The following EPS8L2 variants were observed in gnomAD, a reference collection of about 807,000 sequenced individuals.
EPS8L2 encodes the protein epidermal growth factor receptor kinase substrate 8-like protein 2.
Under a neutral mutation model 99.4 loss-of-function variants are expected in EPS8L2, and 81 were observed. The ratio of observed to expected loss-of-function variants is 0.82; its 90% confidence interval spans 0.68 to 0.98. EPS8L2 has a LOEUF of 0.98. EPS8L2 is among the 50% of genes least tolerant of loss of function. The pLI is 0.00. For synonymous variants in EPS8L2, 509 were observed against 407.3 expected, an observed-to-expected ratio of 1.25 and a Z score of -3.01; for missense variants, 1,155 against 968.8, an observed-to-expected ratio of 1.19 and a Z score of -2.55.
At chr11:726,231 T>TG (rs368184258) in intron 18 of EPS8L2, 61 bp downstream of exon 18, 20,747 of 1,534,628 alleles carry the variant, frequency 0.014, 137 homozygotes, top group Non-Finnish European at 0.013. Flanking sequence ...GGAGGAAGTG[T>TG]GGGGGGGGTC....
intron 4 of EPS8L2, 103 bp downstream of exon 4, chr11:710,589 C>A: frequency 2.6e-6 from 3 of 1,150,578 alleles, no homozygotes; most frequent in South Asian, 1.2e-5. Context: ...ATTAGACGGG[C>A]ATGGTGGTGC....
intron 1 of EPS8L2, among the ~76,000 whole-genome samples, chr11:708,224 T>G (rs934414688): frequency 2.6e-5 from 4 of 152,186 alleles, no homozygotes; most frequent in African/African-American, 9.7e-5. Flanking sequence ...TGTGGGGAGC[T>G]GATCACAGAG....
rs749329348 is a variant in EPS8L2, at chr11:726,515, C to T, written c.1934+31C>T. On this transcript the variant is annotated intron_variant, in intron 19 of 20. Coordinates refer to ENST00000318562, the MANE Select transcript of EPS8L2 (RefSeq NM_022772.4). ...CGGGGGCGGGGGATGAGCTGGGGCC[C>T]GGGCGAGGGGTGGGAGGTGCGGCCG... 129 of 1,442,290 alleles carry T rather than the reference C, an allele frequency of 8.9e-5. 1 individual carries two copies. Among genetic ancestry groups the T allele is most frequent in the Admixed American group, 2.2e-5 (1 of 45,842 alleles). 89.3% of individuals were successfully genotyped at this position (1,442,290 alleles called of 1,614,324 possible).
chr11:724,108 G>C lies in EPS8L2; in HGVS notation c.1455-616G>C, dbSNP rs977689512. Reference sequence around the variant, plus strand: ...CAGTCCATGGCCACTTCATTTCCCTGAGCACCTGGACACGGGAGCTGCCCT... The same window carrying C: ...CAGTCCATGGCCACTTCATTTCCCTCAGCACCTGGACACGGGAGCTGCCCT... On this transcript the variant is annotated intron_variant, in intron 15 of 20. Coordinates refer to ENST00000318562, the MANE Select transcript of EPS8L2 (RefSeq NM_022772.4). This position sits in a 1 kb window ranked among gnomAD's most constrained non-coding sequence, Gnocchi z 5.5. Among the ~76,000 whole-genome samples, 1 of 152,088 alleles carries C rather than the reference G, an allele frequency of 6.6e-6. No individual in the cohort carries two copies. The highest frequency in any genetic ancestry group is 1.5e-5 in the Non-Finnish European group (1 of 68,028).
chr11:725,651 C>T (rs564180651), intron 16 of EPS8L2, 77 bp from the exon 17 acceptor site: 3 of 1,269,376 alleles, frequency 2.4e-6, no homozygotes, highest in Middle Eastern at 3.0e-4. Flanking sequence ...CTCCCGACCT[C>T]TGTAAAGCGG....
Position 709,571 on chromosome 11 carries a change from C to T in EPS8L2, c.63C>T (p.Ser21=), listed in dbSNP as rs574588438. ...CCTGCAGTGGCAGCCTGGGCCGGTC[C>T]GACGGTGTGGCCAAGATGAGCCCCA... The part of the protein sequence containing the change: ...PGATNGSLGR[S]DGVAKMSPKD... The change falls in exon 3 of 21, where the codon TCC becomes TCT. Residue 21 remains serine, a synonymous_variant. Transcript: ENST00000318562. 46 of 1,613,036 alleles carry T rather than the reference C, an allele frequency of 2.9e-5. No homozygotes were observed. The highest frequency in any genetic ancestry group is 1.2e-4 in the Admixed American group (7 of 59,990).
chr11:722,416 A>G lies in EPS8L2; in HGVS notation c.1075A>G (p.Ser359Gly). The G allele has an allele frequency of 6.2e-7, 1 of 1,613,092 alleles. No homozygotes were observed. Among genetic ancestry groups the G allele is most frequent in the South Asian group, 1.1e-5 (1 of 91,082 alleles). ...GPLDLIVNTCSGPDIARSVSC... is the reference protein window; with the variant it reads ...GPLDLIVNTCGGPDIARSVSC... ...TGTGCCCCAGATCGTCAACACCTGC[A>G]GTGGCCCAGACATCGCACGCTCCGT... The change falls in exon 13 of 21, where the codon AGT (serine) becomes GGT (glycine). Residue 359 changes from serine to glycine, a missense_variant. Physicochemically the swap from Ser to Gly is moderately conservative, Grantham distance 56. Coordinates refer to ENST00000318562, the MANE Select transcript of EPS8L2 (RefSeq NM_022772.4).
In EPS8L2 at chr11:722,422, C is replaced by T. The variant is rs1169164551; in HGVS notation, c.1081C>T (p.Pro361Ser). Residue 361 changes from proline to serine, a missense_variant, in exon 13 of 21, where the codon CCA becomes TCA. Coordinates refer to ENST00000318562, the MANE Select transcript of EPS8L2 (RefSeq NM_022772.4). ...LDLIVNTCSG[P>S]DIARSVSCPL... is the part of the protein sequence containing the mutation. ...CCAGATCGTCAACACCTGCAGTGGCCCAGACATCGCACGCTCCGTCTCCTG... is the reference window on the plus strand; with the variant it reads ...CCAGATCGTCAACACCTGCAGTGGCTCAGACATCGCACGCTCCGTCTCCTG... 6.2e-7 allele frequency: 1 copy of T among 1,613,252 alleles called. No homozygotes were observed. The highest frequency in any genetic ancestry group is 1.7e-5 in the Admixed American group (1 of 60,006).
rs1436992757 is a variant in EPS8L2 at position 727,040 on chromosome 11, A to G, written c.*59A>G. The G allele has an allele frequency of 4.3e-6, 5 of 1,151,380 alleles. No individual in the cohort carries two copies. The highest frequency in any genetic ancestry group is 5.1e-6 in the Non-Finnish European group (4 of 777,820). 71.3% of individuals were successfully genotyped at this position (1,151,380 alleles called of 1,614,324 possible). ...GAAGCCCACCCACAATGCATGGAGT[A>G]TTATTTTTATATGTGTATGTATTTT... On this transcript the variant is annotated 3_prime_UTR_variant, in exon 21 of 21. Transcript: ENST00000318562.
intron 12 of EPS8L2, 54 bp downstream of exon 12, chr11:722,219 C>G: frequency 6.3e-7 from 1 of 1,583,696 alleles, no homozygotes; most frequent in East Asian, 2.3e-5. Context: ...GAGGCCTCTG[C>G]AGCATCTCCC....
At chr11:720,496 C>G in intron 5 of EPS8L2, 101 bp from the exon 6 acceptor site, 1 of 1,523,464 alleles carries the variant, frequency 6.6e-7, no homozygotes, top group Non-Finnish European at 8.8e-7. Flanking sequence ...CCCAGCGGCG[C>G]CAGAGGGGCC....
At chr11:714,171 TTTA>T (rs1861957913) in intron 4 of EPS8L2, among the ~76,000 whole-genome samples, 1 of 152,190 alleles carries the variant, frequency 6.6e-6, no homozygotes, top group African/African-American at 2.4e-5. Flanking sequence ...CGTGTTTTCT[TTTA>T]TTTTTTGTAA....
chr11:710,442 A>G lies in EPS8L2; in HGVS notation c.121A>G (p.Asn41Asp). Residue 41 changes from asparagine to aspartate, a missense_variant, in exon 4 of 21, where the codon AAC becomes GAC. Physicochemically the swap from Asn to Asp is conservative, Grantham distance 23. Coordinates refer to ENST00000318562, the MANE Select transcript of EPS8L2 (RefSeq NM_022772.4). The part of the protein sequence containing the change: ...DLFEQRKKYS[N>D]SNVIMHETSQ... ...TTCAGAGCAGAGGAAGAAGTATTCC[A>G]ACTCCAACGTCATCATGCACGAGAC... 1 of 1,613,652 alleles carries G rather than the reference A, an allele frequency of 6.2e-7. No individual in the cohort carries two copies. The highest frequency in any genetic ancestry group is 2.2e-5 in the East Asian group (1 of 44,874).
Position 723,310 on chromosome 11 carries a change from C to G in EPS8L2, c.1411C>G (p.Pro471Ala). The G allele has an allele frequency of 6.2e-7, 1 of 1,600,156 alleles. No individual in the cohort carries two copies. The highest frequency in any genetic ancestry group is 8.5e-7 in the Non-Finnish European group (1 of 1,174,298). The change falls in exon 15 of 21, where the codon CCG (proline) becomes GCG (alanine). Residue 471 changes from proline (P) to alanine (A), a missense_variant. By Grantham distance (27) the Pro-to-Ala change is conservative. Transcript: ENST00000318562. ...CAGCCCCACTTCAGAGCCCACCCCC[C>G]CGGGGGATGCCCTACCACCAGTCAG... ...KHSPTSEPTP[P>A]GDALPPVSSP...
At chr11:726,794 G>A in intron 20 of EPS8L2, 43 bp downstream of exon 20, 1 of 1,579,020 alleles carries the variant, frequency 6.3e-7, no homozygotes, top group South Asian at 1.1e-5. Flanking sequence ...TCCTGCCCCT[G>A]CGCCCTCCTC....
intron 15 of EPS8L2, among the ~76,000 whole-genome samples, chr11:723,682 G>A (rs1458775303): frequency 3.3e-5 from 5 of 152,118 alleles, no homozygotes; most frequent in Admixed American, 3.3e-4. Flanking sequence ...TGGGGCTGTT[G>A]GGACTGATTC....
intron 4 of EPS8L2, among the ~76,000 whole-genome samples, chr11:712,993 T>A (rs1448867069): frequency 7.0e-6 from 1 of 143,856 alleles, no homozygotes; most frequent in Admixed American, 6.9e-5. Flanking sequence ...TGGCCCCAGC[T>A]GGCCTGGCCT....
rs561506168 is a variant in EPS8L2, at chr11:727,410, C to T, written c.*429C>T. 120 of 156,390 alleles carry T rather than the reference C, an allele frequency of 7.7e-4. No homozygotes were observed. The highest frequency in any genetic ancestry group is 4.1e-3 in the Admixed American group (64 of 15,602). The allele number at this position is 156,390 out of a possible 1,614,324, so 9.7% of individuals were successfully genotyped here. A position where few individuals can be genotyped will look rare whatever the true frequency, so the allele number is the denominator to read the frequency against. On this transcript the variant is annotated 3_prime_UTR_variant, in exon 21 of 21. Transcript: ENST00000318562. ...CTGAACCTCGCACACACGCAGAGTTCTGCTCCCTGAGGGGGGCCCGGGAGG... is the reference window on the plus strand; with the variant it reads ...CTGAACCTCGCACACACGCAGAGTTTTGCTCCCTGAGGGGGGCCCGGGAGG...
In EPS8L2 at chr11:710,444, C is replaced by T. The variant is rs138277885; in HGVS notation, c.123C>T (p.Asn41=). 783 of 1,613,698 alleles carry T rather than the reference C, an allele frequency of 4.9e-4. No individual in the cohort carries two copies. The highest frequency in any genetic ancestry group is 6.6e-4 in the Middle Eastern group (4 of 6,060). Residue 41 remains asparagine, a synonymous_variant, in exon 4 of 21, where the codon AAC becomes AAT. Coordinates refer to ENST00000318562, the MANE Select transcript of EPS8L2 (RefSeq NM_022772.4). ...DLFEQRKKYS[N]SNVIMHETSQ... ...CAGAGCAGAGGAAGAAGTATTCCAA[C>T]TCCAACGTCATCATGCACGAGACCT...
Sources: allele counts gnomAD v4.1 joint callset (sites outside exome capture counted in the v4.1 genomes callset), GRCh38; gene constraint gnomAD v4.1.1; non-coding constraint Gnocchi (gnomAD v3.1); transcripts MANE v1.5; gene names NCBI Gene and HGNC (gene_info 2026-07-23, HGNC 2026-07-21).